ALS2: variants seen among roughly 807,000 people sequenced by gnomAD.
ALS2 encodes alsin Rho guanine nucleotide exchange factor ALS2.
Under a neutral mutation model 203.4 loss-of-function variants are expected in ALS2, and 117 were observed. The observed-to-expected ratio is 0.58, with a 90% confidence interval of 0.50 to 0.67. The LOEUF (loss-of-function observed/expected upper bound fraction) is 0.67. Ranked by LOEUF, ALS2 falls within the 30% of genes least tolerant of loss-of-function variation. The probability of loss-of-function intolerance (pLI) is 0.00; values close to 1 mark genes in which losing one functional copy is unlikely to be tolerated. For missense variants in ALS2, 1,715 were observed against 1,989.4 expected, an observed-to-expected ratio of 0.86 and a Z score of 2.62; for synonymous variants, 718 against 725.9, an observed-to-expected ratio of 0.99 and a Z score of 0.17.
intron 25 of ALS2, among the ~76,000 whole-genome samples, chr2:201,713,214 G>A (rs1690158383): frequency 7.5e-6 from 1 of 132,964 alleles, no homozygotes; most frequent in Non-Finnish European, 1.5e-5. Flanking sequence ...TCGGCTCACT[G>A]CAACCTCCAC....
Position 201,725,359 on chromosome 2 carries a change from T to C in ALS2, c.3344A>G (p.Tyr1115Cys). The C allele has an allele frequency of 2.5e-6, 4 of 1,612,882 alleles. No individual in the cohort carries two copies. The highest frequency in any genetic ancestry group is 2.5e-6 in the Non-Finnish European group (3 of 1,178,864). The change falls in exon 20 of 34, where the codon TAC becomes TGC. Residue 1115 changes from tyrosine (Y) to cysteine (C), a missense_variant. Tyr to Cys is a radical substitution (Grantham distance 194, BLOSUM62 -2). This residue lies in a region of ALS2 where 1,227 missense variants were observed against 1,413.5 expected (regional missense o/e 0.87). Coordinates refer to ENST00000264276, the MANE Select transcript of ALS2 (RefSeq NM_020919.4). ...KEGKMCGQGV[Y>C]SYASGEVFEG... ...CCAACAGCCTTTCCAATGTTACCTG[T>C]AGACTCCTTGACCGCACATTTTTCC...
chr2:201,708,851 C>T (rs1360555581), intron 27 of ALS2, among the ~76,000 whole-genome samples: 1 of 146,660 alleles, frequency 6.8e-6, no homozygotes, highest in Non-Finnish European at 1.5e-5. Flanking sequence ...TTACATCTTG[C>T]ACCTCCATCT....
rs1266714405 is a variant in ALS2 at position 201,741,736 on chromosome 2, T to C, written c.2289A>G (p.Val763=). The change falls in exon 11 of 34, where the codon GTA becomes GTG. Residue 763 remains valine (V), a synonymous_variant. Coordinates refer to ENST00000264276, the MANE Select transcript of ALS2 (RefSeq NM_020919.4). ...GGATGACCAAACTCCTGGCTTCCTT[T>C]ACCCCATGAAGGAAGCTGCTCAATG... The part of the protein sequence containing the change: ...GASLSSFLHG[V]KEARSLVILK... 6.2e-7 allele frequency: 1 copy of C among 1,614,020 alleles called. No homozygotes were observed. The highest frequency in any genetic ancestry group is 8.5e-7 in the Non-Finnish European group (1 of 1,180,006).
intron 23 of ALS2, among the ~76,000 whole-genome samples, chr2:201,721,066 C>T (rs564911978): frequency 1.9e-4 from 29 of 152,208 alleles, no homozygotes; most frequent in African/African-American, 6.3e-4. Flanking sequence ...AAGAAAACAA[C>T]GCTTTACAAT....
intron 4 of ALS2, 97 bp from the exon 5 acceptor site, chr2:201,757,856 T>G: frequency 1.0e-6 from 1 of 955,972 alleles, no homozygotes; most frequent in African/African-American, 1.7e-5. Flanking sequence ...GCTATTTGCA[T>G]GTAAGAATCT....
chr2:201,757,813 A>T (rs1207955564), intron 4 of ALS2, 54 bp from the exon 5 acceptor site: 7 of 1,359,794 alleles, frequency 5.1e-6, no homozygotes, highest in Non-Finnish European at 7.1e-6. Context: ...TTATGCAACA[A>T]GCAATCAATA....
Position 201,718,177 on chromosome 2 carries a change from C to G in ALS2, c.3736G>C (p.Glu1246Gln), listed in dbSNP as rs1246200841. The G allele has an allele frequency of 6.2e-7, 1 of 1,613,490 alleles. No homozygotes were observed. Among genetic ancestry groups the G allele is most frequent in the African/African-American group, 1.3e-5 (1 of 74,926 alleles). ...TLTMPNGDYIEGYFSGEWGSG... is the reference protein window; with the variant it reads ...TLTMPNGDYIQGYFSGEWGSG... ...CCCCATTCTCCACTAAAATAACCTT[C>G]AATGTAGTCTCCATTTGGCATAGTC... Residue 1246 changes from glutamate to glutamine, a missense_variant, in exon 24 of 34, where the codon GAA becomes CAA. Physicochemically the swap from Glu to Gln is conservative, Grantham distance 29 (BLOSUM62 2). Coordinates refer to ENST00000264276, the MANE Select transcript of ALS2 (RefSeq NM_020919.4).
intron 2 of ALS2, among the ~76,000 whole-genome samples, chr2:201,768,321 T>C (rs1283839195): frequency 6.6e-6 from 1 of 152,236 alleles, no homozygotes; most frequent in Non-Finnish European, 1.5e-5. Context: ...AACTGCCTTC[T>C]TCTAAGAAAA....
chr2:201,738,614 A>G (rs1574734442), intron 12 of ALS2, 56 bp downstream of exon 12: 1 of 1,536,258 alleles, frequency 6.5e-7, no homozygotes, highest in Non-Finnish European at 9.0e-7. Context: ...ACAGAGCACT[A>G]TAAAATGTCA....
chr2:201,768,542 A>G (rs548742841), intron 2 of ALS2, among the ~76,000 whole-genome samples: 19 of 152,342 alleles, frequency 1.2e-4, no homozygotes, highest in Admixed American at 3.9e-4. Flanking sequence ...TTCCTTTTAA[A>G]TATCTTCCAT....
intron 11 of ALS2, among the ~76,000 whole-genome samples, chr2:201,741,003 G>C (rs148218753): frequency 5.9e-5 from 9 of 152,070 alleles, no homozygotes; most frequent in Non-Finnish European, 8.8e-5. Context: ...AATGAATAGA[G>C]AACAAAACCT....
At position 201,715,674 on chromosome 2, in the gene ALS2, GTC is replaced by G; in HGVS notation, c.4000_4001del (p.Asp1334GlnfsTer32). ...ALTTSRRQHRDSPEILSRSQT... is the reference protein window; with the variant it reads ...ALTTSRRQHRXSPEILSRSQT... ...ATGTTGAGCAGGTGTTCACTCACCT[GTC>G]TCTGTGCTGGCGCCGACTGGTGGTC... On this transcript the variant is annotated frameshift_variant, in exon 25 of 34. Coordinates refer to ENST00000264276, the MANE Select transcript of ALS2 (RefSeq NM_020919.4). LOFTEE classifies it high-confidence loss of function. 6.2e-7 allele frequency: 1 copy of G among 1,614,186 alleles called. No homozygotes were observed. The highest frequency in any genetic ancestry group is 8.5e-7 in the Non-Finnish European group (1 of 1,180,028).
At position 201,715,819 on chromosome 2, in the gene ALS2, G is replaced by A. The variant is rs1690352423; in HGVS notation, c.3857C>T (p.Ala1286Val). The change falls in exon 25 of 34, where the codon GCA becomes GTA. Residue 1286 changes from alanine (A) to valine (V), a missense_variant. Physicochemically the swap from Ala to Val is moderately conservative, Grantham distance 64. This residue lies in a region of ALS2 where 1,227 missense variants were observed against 1,413.5 expected (regional missense o/e 0.87). Coordinates refer to ENST00000264276, the MANE Select transcript of ALS2 (RefSeq NM_020919.4). ...PKVFRKLGNL[A>V]VPADEKWKAV... The stretch of plus-strand genomic sequence containing the variant: ...TTTCCACTTCTCATCAGCTGGCACT[G>A]CCAGGTTTCCTAGCTTCCTGCTAAT... 1.2e-6 allele frequency: 2 copies of A among 1,614,170 alleles called. No individual in the cohort carries two copies. Among genetic ancestry groups the A allele is most frequent in the East Asian group, 2.2e-5 (1 of 44,878 alleles).
In ALS2 at chr2:201,723,052, A is replaced by C. The variant is rs1690911100; in HGVS notation, c.3693T>G (p.Leu1231=). Residue 1231 remains leucine, a synonymous_variant, in exon 23 of 34, where the codon CTT becomes CTG. Transcript: ENST00000264276. The stretch of plus-strand genomic sequence containing the variant: ...AAAGCTAGTTTCCAACCTTTCCACT[A>C]AGAGTCCAGTCATCTGAAAATTCTC... ...YEGEFSDDWT[L]SGKGTLTMPN... is the part of the protein sequence containing the mutation. 2 of 1,609,844 alleles carry C rather than the reference A, an allele frequency of 1.2e-6. No individual in the cohort carries two copies. The highest frequency in any genetic ancestry group is 8.5e-7 in the Non-Finnish European group (1 of 1,177,460).
chr2:201,761,669 T>C lies in ALS2; in HGVS notation c.325A>G (p.Asn109Asp). The stretch of plus-strand genomic sequence containing the variant: ...TCTCCCCACATGTACGCGACACCAT[T>C]GTCTGTCACTGCTCCACTATGGAAG... ...GSFHSGAVTD[N>D]GVAYMWGENS... The change falls in exon 4 of 34, where the codon AAT (asparagine) becomes GAT (aspartate). Residue 109 changes from asparagine (N) to aspartate (D), a missense_variant. Coordinates refer to ENST00000264276, the MANE Select transcript of ALS2 (RefSeq NM_020919.4). The C allele has an allele frequency of 2.5e-6, 4 of 1,614,190 alleles. No individual in the cohort carries two copies. The highest frequency in any genetic ancestry group is 3.4e-6 in the Non-Finnish European group (4 of 1,180,026).
chr2:201,703,593 G>A (rs947613535), intron 33 of ALS2, among the ~76,000 whole-genome samples: 3 of 152,026 alleles, frequency 2.0e-5, no homozygotes, highest in Admixed American at 2.0e-4. Context: ...ACTTTAGAGT[G>A]ATTCTTCCAA....
At chr2:201,747,487 T>G (rs1383090572) in intron 8 of ALS2, among the ~76,000 whole-genome samples, 2 of 150,526 alleles carry the variant, frequency 1.3e-5, no homozygotes, top group East Asian at 2.0e-4. Flanking sequence ...TTGAGACTCT[T>G]TCGCCCAGGC....
chr2:201,728,302 G>T (rs1309391022), intron 15 of ALS2, among the ~76,000 whole-genome samples: 1 of 152,150 alleles, frequency 6.6e-6, no homozygotes, highest in Admixed American at 6.5e-5. Context: ...GTGTCCAAGT[G>T]TTCTCATTGT....
At chr2:201,777,430 C>T (rs1303905776) in intron 1 of ALS2, among the ~76,000 whole-genome samples, 1 of 151,814 alleles carries the variant, frequency 6.6e-6, no homozygotes, top group East Asian at 1.9e-4. Flanking sequence ...TTTGAGGGTA[C>T]AAAGTAAAAT....
Sources: gnomAD v4.1 joint callset for allele counts (sites outside exome capture counted in the v4.1 genomes callset) on GRCh38, gnomAD v4.1.1 for gene constraint, gnomAD v4.1.1 regional missense constraint, MANE v1.5 for transcripts, NCBI Gene and HGNC (gene_info 2026-07-23, HGNC 2026-07-21) for gene names.